Variants in SH3KBP1 observed in about 807,000 individuals in gnomAD.
The protein encoded by SH3KBP1 is SH3 domain containing kinase binding protein 1.
In SH3KBP1, 8 loss-of-function variants were observed where a neutral mutation model predicts 50.1. The observed-to-expected ratio is 0.16, with a 90% confidence interval of 0.09 to 0.29. The LOEUF is 0.29. Among genes scored for constraint, SH3KBP1 ranks in the 10% least tolerant of loss-of-function variants. The pLI is 1.00. For synonymous variants in SH3KBP1, 227 were observed against 218.6 expected, an observed-to-expected ratio of 1.04 and a Z score of -0.34; for missense variants, 377 against 535.2, an observed-to-expected ratio of 0.70 and a Z score of 2.92.
chrX:19,661,959 A>G (rs935340689), intron 6 of SH3KBP1, among the ~76,000 whole-genome samples: 1 of 111,568 alleles, frequency 9.0e-6, no homozygotes, highest in Admixed American at 9.5e-5. Flanking sequence ...AATAGCATAC[A>G]CTGAGGTAGC....
intron 13 of SH3KBP1, among the ~76,000 whole-genome samples, chrX:19,552,078 C>T (rs1011620436): frequency 8.9e-6 from 1 of 112,314 alleles, no homozygotes; most frequent in African/African-American, 3.2e-5. Flanking sequence ...ATAGCTCATA[C>T]TATATGTAAT....
At chrX:19,870,180 A>C (rs1603287974) in intron 1 of SH3KBP1, among the ~76,000 whole-genome samples, 1 of 112,524 alleles carries the variant, frequency 8.9e-6, no homozygotes, top group East Asian at 2.8e-4. Flanking sequence ...GTTTGTTTTT[A>C]AGAGATACAT....
intron 6 of SH3KBP1, among the ~76,000 whole-genome samples, chrX:19,650,423 G>A (rs2062094589): frequency 1.8e-5 from 2 of 111,621 alleles, no homozygotes; most frequent in Non-Finnish European, 3.8e-5. Flanking sequence ...AGTGACGTGG[G>A]GAAAAGCCCC....
At chrX:19,835,203 G>A (rs377587598) in intron 2 of SH3KBP1, among the ~76,000 whole-genome samples, 1 of 111,791 alleles carries the variant, frequency 8.9e-6, no homozygotes, top group Non-Finnish European at 1.9e-5. Flanking sequence ...GCATGATCAC[G>A]GCTCATTGCA....
At chrX:19,555,547 A>G (rs1344285314) in intron 13 of SH3KBP1, among the ~76,000 whole-genome samples, 1 of 112,137 alleles carries the variant, frequency 8.9e-6, no homozygotes, top group Non-Finnish European at 1.9e-5. Flanking sequence ...CTCTGCATTC[A>G]TTATAGCATG....
chrX:19,773,514 C>T (rs866802658), intron 2 of SH3KBP1, among the ~76,000 whole-genome samples: 12 of 108,798 alleles, frequency 1.1e-4, no homozygotes, highest in Admixed American at 4.9e-4. Flanking sequence ...CACACACACA[C>T]ACACACACGT....
chrX:19,830,003 G>A (rs1033361937), intron 2 of SH3KBP1, among the ~76,000 whole-genome samples: 1 of 111,291 alleles, frequency 9.0e-6, no homozygotes, highest in Non-Finnish European at 1.9e-5. Context: ...GAGTGTAGCA[G>A]TGAGGATGAC....
intron 6 of SH3KBP1, among the ~76,000 whole-genome samples, chrX:19,671,981 T>C (rs1354595593): frequency 2.7e-5 from 3 of 112,164 alleles, no homozygotes; most frequent in Non-Finnish European, 5.6e-5. Flanking sequence ...AAAAACCATT[T>C]GCTTACTATT....
chrX:19,550,113 C>A, intron 13 of SH3KBP1, 30 bp from the exon 14 acceptor site: 1 of 980,500 alleles, frequency 1.0e-6, no homozygotes. Flanking sequence ...GTTTTAAGAG[C>A]CAAAATAGGA....
At chrX:19,682,818 G>A (rs1044990496) in intron 6 of SH3KBP1, among the ~76,000 whole-genome samples, 2 of 107,811 alleles carry the variant, frequency 1.9e-5, no homozygotes, top group African/African-American at 6.8e-5. Flanking sequence ...CACTGGGCAA[G>A]GTTGCTGAGG....
intron 2 of SH3KBP1, among the ~76,000 whole-genome samples, chrX:19,767,067 T>A (rs758486011): frequency 8.9e-6 from 1 of 111,923 alleles, no homozygotes; most frequent in African/African-American, 3.2e-5. Context: ...CAAAATAAAA[T>A]AGCACATGAA....
chrX:19,805,884 A>G (rs1366268306), intron 2 of SH3KBP1, among the ~76,000 whole-genome samples: 1 of 112,018 alleles, frequency 8.9e-6, no homozygotes, highest in Non-Finnish European at 1.9e-5. Flanking sequence ...GGTACAGATA[A>G]AGGAACTATG....
At chrX:19,678,631 A>G (rs1245059674) in intron 6 of SH3KBP1, among the ~76,000 whole-genome samples, 2 of 111,276 alleles carry the variant, frequency 1.8e-5, no homozygotes, top group Non-Finnish European at 3.8e-5. Flanking sequence ...AATGAAAAAA[A>G]AATCAGCAAA....
chrX:19,804,882 A>ACCCCCCCCCCCCC (rs1171123464), intron 2 of SH3KBP1, among the ~76,000 whole-genome samples: 2 of 17,380 alleles, frequency 1.2e-4, no homozygotes, highest in Non-Finnish European at 1.9e-4. Context: ...CCCAAACCCT[A>ACCCCCCCCCCCCC]CCCCCCCCCC....
chrX:19,709,322 G>A (rs1310413471), intron 3 of SH3KBP1, among the ~76,000 whole-genome samples: 1 of 111,773 alleles, frequency 8.9e-6, no homozygotes, highest in Non-Finnish European at 1.9e-5. Flanking sequence ...TAAAGATCAC[G>A]TGACCTGATG....
At chrX:19,607,789 T>C in intron 9 of SH3KBP1, 149 bp downstream of exon 9, 1 of 486,460 alleles carries the variant, frequency 2.1e-6, no homozygotes, top group South Asian at 3.0e-5. Flanking sequence ...TGAAACTTGT[T>C]ACAGAGTATA....
chrX:19,778,050 G>GA (rs1375759244), intron 2 of SH3KBP1, among the ~76,000 whole-genome samples: 6 of 110,791 alleles, frequency 5.4e-5, no homozygotes, highest in African/African-American at 1.6e-4. Flanking sequence ...CCTCCAGGAA[G>GA]AAAAAAAAGC....
At chrX:19,720,061 T>C (rs1007317213) in intron 3 of SH3KBP1, among the ~76,000 whole-genome samples, 1 of 110,117 alleles carries the variant, frequency 9.1e-6, no homozygotes, top group African/African-American at 3.3e-5. Context: ...TCTCTCCCTT[T>C]TTTCCATTTG....
At position 19,841,500 on chromosome X, in the gene SH3KBP1, T is replaced by A. The variant is rs762675368; in HGVS notation, c.5-5218A>T. Reference sequence around the variant, plus strand: ...GCTTTAATCATTTCAGAAGTAGAAATGTTACACACTTACTGCTTTTGCACT... The same window carrying A: ...GCTTTAATCATTTCAGAAGTAGAAAAGTTACACACTTACTGCTTTTGCACT... On this transcript the variant is annotated intron_variant, in intron 1 of 17. Coordinates refer to ENST00000397821, the MANE Select transcript of SH3KBP1 (RefSeq NM_031892.3). Among the ~76,000 whole-genome samples the A allele has an allele frequency of 1.5e-3, 167 of 112,514 alleles. 1 individual carries two copies. The highest frequency in any genetic ancestry group is 5.1e-3 in the African/African-American group (159 of 30,993).
Sources: gnomAD v4.1 joint callset for allele counts (sites outside exome capture counted in the v4.1 genomes callset) on GRCh38, gnomAD v4.1.1 for gene constraint, MANE v1.5 for transcripts, NCBI Gene and HGNC (gene_info 2026-07-23, HGNC 2026-07-21) for gene names.